The following RASSF2 variants were observed in gnomAD, a reference collection of about 807,000 sequenced individuals.
RASSF2 encodes the protein Ras association domain family member 2, also known as ras association domain-containing protein 2.
Under a neutral mutation model 46.3 loss-of-function variants are expected in RASSF2, and 34 were observed. The ratio of observed to expected loss-of-function variants is 0.73; its 90% CI spans 0.56 to 0.98. The LOEUF (loss-of-function observed/expected upper bound fraction) is 0.98. RASSF2 is among the 50% of genes least tolerant of loss of function. The pLI, the probability that RASSF2 is intolerant of heterozygous loss-of-function variation, is 0.00. For missense variants in RASSF2, 364 were observed against 431.2 expected (o/e 0.84, Z 1.38); for synonymous variants, 158 against 162.5 (o/e 0.97, Z 0.21).
intron 2 of RASSF2, among the ~76,000 whole-genome samples, chr20:4,816,157 T>A (rs1343143282): frequency 6.6e-6 from 1 of 151,930 alleles, no homozygotes; most frequent in East Asian, 1.9e-4. Context: ...AAAAATTAGC[T>A]GAGTGTGGTG....
intron 11 of RASSF2, among the ~76,000 whole-genome samples, chr20:4,784,619 A>G (rs1212233685): frequency 6.8e-6 from 1 of 147,034 alleles, no homozygotes; most frequent in Non-Finnish European, 1.5e-5. Flanking sequence ...AAAAAAAGGT[A>G]AAAAAAAACA....
At chr20:4,815,316 C>T (rs1272862319) in intron 2 of RASSF2, among the ~76,000 whole-genome samples, 4 of 152,172 alleles carry the variant, frequency 2.6e-5, no homozygotes, top group African/African-American at 9.7e-5. Context: ...GCCATCCTTG[C>T]CCTAAATGTC....
intron 2 of RASSF2, among the ~76,000 whole-genome samples, chr20:4,813,605 T>G (rs905778064): frequency 7.2e-5 from 11 of 152,058 alleles, no homozygotes; most frequent in Non-Finnish European, 2.9e-5. Flanking sequence ...TGCCTGACCT[T>G]TAGGATGGAT....
intron 2 of RASSF2, among the ~76,000 whole-genome samples, chr20:4,821,230 G>T (rs1928668846): frequency 6.6e-6 from 1 of 152,210 alleles, no homozygotes; most frequent in African/African-American, 2.4e-5. Context: ...ACACCAACTG[G>T]GCTCCTAAGA....
chr20:4,780,091 A>G lies in RASSF2; in HGVS notation c.*4182T>C, dbSNP rs1360542660. On this transcript the variant is annotated 3_prime_UTR_variant, in exon 12 of 12. Coordinates refer to ENST00000379400, the MANE Select transcript of RASSF2 (RefSeq NM_014737.3). ...GCATTAAAACATATCAAAATGTTAC[A>G]AAAATGTATGGCTCCCTTGCTGAGG... 6.6e-6 allele frequency: 1 copy of G among 152,570 alleles called. No individual in the cohort carries two copies. Among genetic ancestry groups the G allele is most frequent in the East Asian group, 1.9e-4 (1 of 5,198 alleles). 9.5% of individuals were successfully genotyped at this position (152,570 alleles called of 1,614,324 possible).
intron 2 of RASSF2, among the ~76,000 whole-genome samples, chr20:4,806,287 G>C (rs1336062319): frequency 6.6e-6 from 1 of 152,236 alleles, no homozygotes; most frequent in Non-Finnish European, 1.5e-5. Flanking sequence ...GGTCATGGGG[G>C]AACTCAGCCA....
At chr20:4,814,104 T>G (rs984925748) in intron 2 of RASSF2, among the ~76,000 whole-genome samples, 1 of 152,050 alleles carries the variant, frequency 6.6e-6, no homozygotes, top group African/African-American at 2.4e-5. Context: ...TATAGGGTAG[T>G]TTTAATGTCC....
chr20:4,818,086 G>C (rs1022586718), intron 2 of RASSF2, among the ~76,000 whole-genome samples: 7 of 152,102 alleles, frequency 4.6e-5, no homozygotes, highest in African/African-American at 1.7e-4. Flanking sequence ...GGCCAACATG[G>C]TGAAACCCCA....
At chr20:4,792,890 A>G (rs937677921) in intron 5 of RASSF2, 25 of 552,696 alleles carry the variant, frequency 4.5e-5, no homozygotes, top group African/African-American at 4.4e-4. Context: ...CAACTGCAGT[A>G]ACACACCCAA....
intron 2 of RASSF2, among the ~76,000 whole-genome samples, chr20:4,808,490 T>C (rs1222761704): frequency 6.7e-6 from 1 of 149,778 alleles, no homozygotes. Flanking sequence ...ACAAATCTTT[T>C]TTTTTTTTTT....
rs1443139435 is a variant in RASSF2, at chr20:4,812,169, G to A, written c.-33+10160C>T. On this transcript the variant is annotated intron_variant, in intron 2 of 11. Transcript: ENST00000379400. The surrounding 1 kb of genome is among the most constrained non-coding windows in gnomAD (Gnocchi z 4.0). ...GCCAGATCATGCTTCCCAAACCCAA[G>A]CCTGTCCTGGGCATGGGCAAAATGT... Among the ~76,000 whole-genome samples the A allele has an allele frequency of 6.6e-6, 1 of 152,152 alleles. No homozygotes were observed. The highest frequency in any genetic ancestry group is 2.4e-5 in the African/African-American group (1 of 41,438).
intron 2 of RASSF2, among the ~76,000 whole-genome samples, chr20:4,814,186 G>A (rs1928086378): frequency 6.6e-6 from 1 of 152,180 alleles, no homozygotes; most frequent in African/African-American, 2.4e-5. Flanking sequence ...CCACCCTGCA[G>A]GGAGGGCCTG....
intron 11 of RASSF2, among the ~76,000 whole-genome samples, chr20:4,784,604 AAAAAAAAAAAAGGT>A (rs1414489267): frequency 8.5e-6 from 1 of 117,354 alleles, no homozygotes; most frequent in African/African-American, 3.5e-5. Context: ...AAAAAAAAAA[AAAAAAAAAAAAGGT>A]AAAAAAAAAC....
Position 4,790,007 on chromosome 20 carries a change from A to T in RASSF2, c.538-310T>A, listed in dbSNP as rs1925734717. 1.3e-5 allele frequency among the ~76,000 whole-genome samples: 2 copies of T among 152,128 alleles called. No individual in the cohort carries two copies. The highest frequency in any genetic ancestry group is 1.3e-4 in the Admixed American group (2 of 15,268). ...AAGCAGGAGGAAAGGAGGGATCAGC[A>T]AGATGGGGTGGGGTGGGTGGTGCAC... On this transcript the variant is annotated intron_variant, in intron 7 of 11. Transcript: ENST00000379400. This position sits in a 1 kb window ranked among gnomAD's most constrained non-coding sequence, Gnocchi z 4.3.
At chr20:4,796,248 C>G (rs1011452683) in intron 4 of RASSF2, among the ~76,000 whole-genome samples, 4 of 152,172 alleles carry the variant, frequency 2.6e-5, no homozygotes, top group Admixed American at 2.6e-4. Flanking sequence ...TTCTTTTTAT[C>G]CTAATGACTT....
In RASSF2 at chr20:4,783,124, G is replaced by A. The variant is rs1350940744; in HGVS notation, c.*1149C>T. ...TGAACCCCACACTCAGTAGCAAGAT[G>A]AGGCTTCATTCTTGGAATGCATCTC... On this transcript the variant is annotated 3_prime_UTR_variant, in exon 12 of 12. Coordinates refer to ENST00000379400, the MANE Select transcript of RASSF2 (RefSeq NM_014737.3). 6.6e-6 allele frequency: 1 copy of A among 152,282 alleles called. No individual in the cohort carries two copies. The highest frequency in any genetic ancestry group is 2.4e-5 in the African/African-American group (1 of 41,468). 9.4% of individuals were successfully genotyped at this position (152,282 alleles called of 1,614,324 possible).
At position 4,782,701 on chromosome 20, in the gene RASSF2, C is replaced by T. The variant is rs1924949870; in HGVS notation, c.*1572G>A. The T allele has an allele frequency of 6.6e-6, 1 of 152,390 alleles. No individual in the cohort carries two copies. The highest frequency in any genetic ancestry group is 2.4e-5 in the African/African-American group (1 of 41,450). 9.4% of individuals were successfully genotyped at this position (152,390 alleles called of 1,614,324 possible). On this transcript the variant is annotated 3_prime_UTR_variant, in exon 12 of 12. Transcript: ENST00000379400. ...CAGAAACGTCTCCACCAAAAAAGTC[C>T]ACCTTCCTTTGGAGGCACCAACCAG...
Position 4,782,912 on chromosome 20 carries a change from A to C in RASSF2, c.*1361T>G, listed in dbSNP as rs1479247665. The C allele has an allele frequency of 6.6e-6, 1 of 152,272 alleles. No individual in the cohort carries two copies. Among genetic ancestry groups the C allele is most frequent in the Non-Finnish European group, 1.5e-5 (1 of 68,122 alleles). 9.4% of individuals were successfully genotyped at this position (152,272 alleles called of 1,614,324 possible). A position where few individuals can be genotyped will look rare whatever the true frequency, so the allele number is the denominator to read the frequency against. On this transcript the variant is annotated 3_prime_UTR_variant, in exon 12 of 12. Transcript: ENST00000379400. ...AAGCATCTGTCTCCCTCCTCAAACG[A>C]TATCAGCTGCACTGATGCCCAGCTG...
At chr20:4,803,001 C>T (rs1319897407) in intron 2 of RASSF2, among the ~76,000 whole-genome samples, 2 of 151,052 alleles carry the variant, frequency 1.3e-5, no homozygotes, top group Non-Finnish European at 2.9e-5. Flanking sequence ...CTCGACTTTC[C>T]CAGGCTGAAG....
Sources: gnomAD v4.1 joint callset for allele counts (sites outside exome capture counted in the v4.1 genomes callset) on GRCh38, gnomAD v4.1.1 for gene constraint, Gnocchi (gnomAD v3.1) non-coding constraint, MANE v1.5 for transcripts, NCBI Gene and HGNC (gene_info 2026-07-23, HGNC 2026-07-21) for gene names.